Variants in SETX observed in about 807,000 individuals in gnomAD.
SETX encodes helicase senataxin.
A neutral mutation model predicts 227.2 loss-of-function variants in SETX; 90 were observed. The ratio of observed to expected loss-of-function variants is 0.40; its 90% CI spans 0.33 to 0.47. The LOEUF is 0.47. Ranked by LOEUF, SETX falls within the 20% of genes least tolerant of loss-of-function variation. The pLI is 0.91. For synonymous variants in SETX, 1,210 were observed against 1,113.2 expected (o/e 1.09, Z -1.73); for missense variants, 3,052 against 3,181.5 (o/e 0.96, Z 0.98).
chr9:132,299,927 G>A (rs942154588), intron 12 of SETX, among the ~76,000 whole-genome samples: 1 of 151,914 alleles, frequency 6.6e-6, no homozygotes, highest in East Asian at 1.9e-4. Context: ...TGAGGAGTTC[G>A]AGACCAGCCT....
In SETX at chr9:132,295,085, AC is replaced by A. The variant is rs1844591845; in HGVS notation, c.6106+786del. Among the ~76,000 whole-genome samples the A allele has an allele frequency of 2.6e-5, 4 of 152,210 alleles. No homozygotes were observed. In the South Asian group the frequency reaches 8.3e-4, roughly 31 times the overall value. The stretch of plus-strand genomic sequence containing the variant: ...CAAAGCCATAACTATACCACTCAAC[AC>A]AAGTGATATGAAAAATAAGTGTTAA... On this transcript the variant is annotated intron_variant, in intron 15 of 25. Coordinates refer to ENST00000224140, the MANE Select transcript of SETX (RefSeq NM_015046.7).
In SETX at chr9:132,283,318, C is replaced by G; in HGVS notation, c.6492G>C (p.Glu2164Asp). 1 of 1,614,200 alleles carries G rather than the reference C, an allele frequency of 6.2e-7. No homozygotes were observed. Among genetic ancestry groups the G allele is most frequent in the Non-Finnish European group, 8.5e-7 (1 of 1,180,034 alleles). ...CACCCCCTTGCCCACGGAAAGCAGA[C>G]TCAAGTAGTAAACCACCACTTGTGC... Reference protein sequence around the residue: ...TLSTSGGLLLESAFRGQGGVP... With the variant: ...TLSTSGGLLLDSAFRGQGGVP... Residue 2164 changes from glutamate (E) to aspartate (D), a missense_variant, in exon 19 of 26, where the codon GAG (glutamate) becomes GAC (aspartate). By Grantham distance (45) the Glu-to-Asp change is conservative (BLOSUM62 2). Around this residue, in one of 10 missense-constraint regions of SETX, gnomAD observed 412 missense variants for 589.0 expected, o/e 0.70. Coordinates refer to ENST00000224140, the MANE Select transcript of SETX (RefSeq NM_015046.7).
In SETX at chr9:132,327,144, G is replaced by C. The variant is rs2131432738; in HGVS notation, c.4454C>G (p.Pro1485Arg). Reference protein sequence around the residue: ...IEMAALKEGEPDSSSDAEEDN... With the variant: ...IEMAALKEGERDSSSDAEEDN... ...TTCCTCTGCATCACTGCTGGAGTCA[G>C]GCTCTCCTTCTTTCAAAGCTGCCAT... Residue 1485 changes from proline to arginine, a missense_variant, in exon 10 of 26, where the codon CCT becomes CGT. This residue lies in a region of SETX where 1,483 missense variants were observed against 1,312.0 expected (regional missense o/e 1.13). Transcript: ENST00000224140. 2 of 1,614,174 alleles carry C rather than the reference G, an allele frequency of 1.2e-6. No homozygotes were observed. The highest frequency in any genetic ancestry group is 3.3e-5 in the Admixed American group (2 of 60,020).
chr9:132,334,450 AAAAAC>A (rs1296014838), intron 7 of SETX, among the ~76,000 whole-genome samples, 153 bp downstream of exon 7: 1 of 152,240 alleles, frequency 6.6e-6, no homozygotes, highest in Non-Finnish European at 1.5e-5. Context: ...CTTCGTATCA[AAAAAC>A]AAAACAAAAC....
At position 132,329,590 on chromosome 9, in the gene SETX, C is replaced by T. The variant is rs950177586; in HGVS notation, c.2008G>A (p.Glu670Lys). Reference protein sequence around the residue: ...ADNTIEGDNNEQNYIKDVKLE... With the variant: ...ADNTIEGDNNKQNYIKDVKLE... ...TTCACATCCTTTATATAATTTTGCT[C>T]ATTATTGTCACCTTCTATAGTGTTA... Residue 670 changes from glutamate to lysine, a missense_variant, in exon 10 of 26, where the codon GAG becomes AAG. Physicochemically the swap from Glu to Lys is moderately conservative, Grantham distance 56. This residue lies in a region of SETX where 1,483 missense variants were observed against 1,312.0 expected (regional missense o/e 1.13). Coordinates refer to ENST00000224140, the MANE Select transcript of SETX (RefSeq NM_015046.7). 1.9e-6 allele frequency: 3 copies of T among 1,613,596 alleles called. No individual in the cohort carries two copies. The highest frequency in any genetic ancestry group is 2.5e-6 in the Non-Finnish European group (3 of 1,179,982).
chr9:132,268,647 T>C (rs1480231765), intron 25 of SETX, among the ~76,000 whole-genome samples: 1 of 152,142 alleles, frequency 6.6e-6, no homozygotes, highest in Non-Finnish European at 1.5e-5. Context: ...AAAAATAAAA[T>C]AATATTGCTT....
At chr9:132,290,998 G>C (rs1844264505) in intron 15 of SETX, among the ~76,000 whole-genome samples, 2 of 152,044 alleles carry the variant, frequency 1.3e-5, no homozygotes, top group South Asian at 2.1e-4. Context: ...CAAAAGAATA[G>C]GGTTTTGATC....
chr9:132,346,506 T>A, intron 3 of SETX, 35 bp from the exon 4 acceptor site: 2 of 1,449,046 alleles, frequency 1.4e-6, no homozygotes, highest in South Asian at 1.2e-5. Context: ...GTGCGTTATG[T>A]CTTATCATCA....
At chr9:132,331,589 G>T in intron 7 of SETX, 141 bp from the exon 8 acceptor site, 1 of 891,832 alleles carries the variant, frequency 1.1e-6, no homozygotes, top group East Asian at 2.6e-5. Flanking sequence ...AAGCAGTGCC[G>T]CCACCAGTCC....
chr9:132,288,322 T>A lies in SETX; in HGVS notation c.6238A>T (p.Met2080Leu). 1 of 1,614,096 alleles carries A rather than the reference T, an allele frequency of 6.2e-7. No individual in the cohort carries two copies. The highest frequency in any genetic ancestry group is 8.5e-7 in the Non-Finnish European group (1 of 1,179,922). ...KKELPSHVQA[M>L]HKRKEFLDYQ... ...TCTAGAAATTCCTTTCTTTTATGCA[T>A]CGCCTGAACATGAGAAGGTAACTCT... The change falls in exon 17 of 26, where the codon ATG (methionine) becomes TTG (leucine). Residue 2080 changes from methionine to leucine, a missense_variant. Physicochemically the swap from Met to Leu is conservative, Grantham distance 15. Around this residue, in one of 10 missense-constraint regions of SETX, gnomAD observed 412 missense variants for 589.0 expected, o/e 0.70. Transcript: ENST00000224140.
chr9:132,338,381 G>A (rs949908101), intron 5 of SETX, among the ~76,000 whole-genome samples: 3 of 152,024 alleles, frequency 2.0e-5, no homozygotes, highest in Admixed American at 6.6e-5. Flanking sequence ...ATGAGCCACC[G>A]TGCCCAGCCT....
At chr9:132,272,058 AT>A (rs539473512) in intron 23 of SETX, among the ~76,000 whole-genome samples, 10 of 151,488 alleles carry the variant, frequency 6.6e-5, no homozygotes, top group Non-Finnish European at 1.0e-4. Context: ...AATTTTTTGT[AT>A]TTTTAGTAGA....
Position 132,326,668 on chromosome 9 carries a change from TGAGG to T in SETX, c.4926_4929del (p.Leu1643Ter). 6.2e-7 allele frequency: 1 copy of T among 1,614,208 alleles called. No individual in the cohort carries two copies. Among genetic ancestry groups the T allele is most frequent in the Non-Finnish European group, 8.5e-7 (1 of 1,180,030 alleles). ...ATTTCACCAACTGGCTTCTGAGCTA[TGAGG>T]GGAACTGGCTGTGGTACTTTCAAAA... On this transcript the variant is annotated frameshift_variant, in exon 10 of 26. Coordinates refer to ENST00000224140, the MANE Select transcript of SETX (RefSeq NM_015046.7). LOFTEE classifies it high-confidence loss of function.
chr9:132,332,799 T>G (rs1286407668), intron 7 of SETX, among the ~76,000 whole-genome samples: 1 of 151,246 alleles, frequency 6.6e-6, no homozygotes, highest in Non-Finnish European at 1.5e-5. Context: ...CACATGCCTG[T>G]GGCCCCAGTT....
chr9:132,277,871 A>C (rs1843255235), intron 21 of SETX, among the ~76,000 whole-genome samples, 199 bp downstream of exon 21: 1 of 152,056 alleles, frequency 6.6e-6, no homozygotes, highest in Admixed American at 6.5e-5. Flanking sequence ...GGTAGTATAA[A>C]TATAGGTGAC....
Position 132,297,934 on chromosome 9 carries a change from C to A in SETX, c.5781+146G>T, listed in dbSNP as rs1844765120. On this transcript the variant is annotated intron_variant, in intron 13 of 25. Coordinates refer to ENST00000224140, the MANE Select transcript of SETX (RefSeq NM_015046.7). ...GAGCTGACTTAACCTAAATTACATA[C>A]TTTGCAATACTAAAGAAAACTAACA... 4.3e-6 allele frequency: 3 copies of A among 702,040 alleles called. No homozygotes were observed. The East Asian group carries it at 8.1e-5, about 19-fold the overall frequency. The allele number at this position is 702,040 out of a possible 1,614,324, so 43.5% of individuals were successfully genotyped here. A position where few individuals can be genotyped will look rare whatever the true frequency, so the allele number is the denominator to read the frequency against.
rs11323405 is a variant in SETX at position 132,335,480 on chromosome 9, A to AT, written c.719-754dup. 3.4e-4 allele frequency among the ~76,000 whole-genome samples: 46 copies of AT among 134,338 alleles called. 1 individual carries two copies. The South Asian group carries it at 4.6e-3, about 13-fold the overall frequency. 88.1% of individuals were successfully genotyped at this position (134,338 alleles called of 152,430 possible). A position where few individuals can be genotyped will look rare whatever the true frequency, so the allele number is the denominator to read the frequency against. On this transcript the variant is annotated intron_variant, in intron 6 of 25. Transcript: ENST00000224140. ...CAACTCTTTCTACCAGGAAAATTTA[A>AT]TTTTTTTTTTTTTAGGAGACAGGAT...
rs544624633 is a variant in SETX at position 132,265,019 on chromosome 9, C to T, written c.7288-34G>A. The T allele has an allele frequency of 7.5e-6, 12 of 1,608,154 alleles. No homozygotes were observed. In the South Asian group the frequency reaches 9.9e-5, roughly 13 times the overall value. On this transcript the variant is annotated intron_variant, in intron 25 of 25. Coordinates refer to ENST00000224140, the MANE Select transcript of SETX (RefSeq NM_015046.7). Reference sequence around the variant, plus strand: ...AATGAGAAGGGAGAAATAATTACACCCCAAAGAGACACTGCTTGGGAAGCA... The same window carrying T: ...AATGAGAAGGGAGAAATAATTACACTCCAAAGAGACACTGCTTGGGAAGCA...
intron 11 of SETX, among the ~76,000 whole-genome samples, chr9:132,311,155 C>T (rs575734866): frequency 2.6e-5 from 4 of 152,158 alleles, no homozygotes; most frequent in South Asian, 4.2e-4. Context: ...TTAGTAGAAA[C>T]GGGGTTTCAC....
Sources: allele counts gnomAD v4.1 joint callset (sites outside exome capture counted in the v4.1 genomes callset), GRCh38; gene constraint gnomAD v4.1.1; regional missense constraint gnomAD v4.1.1; transcripts MANE v1.5; gene names NCBI Gene and HGNC (gene_info 2026-07-23, HGNC 2026-07-21).